The following KIAA1217 variants were observed in gnomAD, a reference collection of about 807,000 sequenced individuals.
KIAA1217 encodes sickle tail protein homolog.
A neutral mutation model predicts 163.9 loss-of-function variants in KIAA1217; 88 were observed. The observed-to-expected ratio is 0.54, with a 90% CI of 0.45 to 0.64. The LOEUF (loss-of-function observed/expected upper bound fraction) is 0.64, where lower values mean the gene tolerates loss of function less well. KIAA1217 is among the 30% of genes least tolerant of loss of function. The probability of loss-of-function intolerance (pLI) is 0.00; values close to 1 mark genes in which losing one functional copy is unlikely to be tolerated. For synonymous variants in KIAA1217, 903 were observed against 923.1 expected, an observed-to-expected ratio of 0.98 and a Z score of 0.39; for missense variants, 2,372 against 2,475.0, an observed-to-expected ratio of 0.96 and a Z score of 0.88.
At chr10:24,335,892 G>C (rs565947351) in intron 2 of KIAA1217, among the ~76,000 whole-genome samples, 2 of 152,216 alleles carry the variant, frequency 1.3e-5, no homozygotes, top group African/African-American at 2.4e-5. Flanking sequence ...GATTATAGGC[G>C]TCAGCCACTG....
In KIAA1217 at chr10:24,524,390, A is replaced by G. The variant is rs202133714; in HGVS notation, c.2524A>G (p.Lys842Glu). 669 of 1,614,238 alleles carry G rather than the reference A, an allele frequency of 4.1e-4. 6 individuals carry two copies. In the South Asian group the frequency reaches 7.1e-3, roughly 17 times the overall value. ...AQAAQYMAME[K>E]ATAAEVLKSQ... ...AGCCGCACAGTACATGGCTATGGAA[A>G]AGGCCACAGCCGCAGAAGTCCTGAA... Residue 842 changes from lysine to glutamate, a missense_variant, in exon 13 of 21, where the codon AAG becomes GAG. Physicochemically the swap from Lys to Glu is moderately conservative, Grantham distance 56. This residue lies in a region of KIAA1217 where 1,431 missense variants were observed against 1,470.3 expected (regional missense o/e 0.97). Transcript: ENST00000376454.
chr10:23,817,825 C>G (rs1030570644), intron 1 of KIAA1217, among the ~76,000 whole-genome samples: 2 of 151,018 alleles, frequency 1.3e-5, no homozygotes, highest in African/African-American at 4.9e-5. Flanking sequence ...TGTGGTGGCT[C>G]ATACTTGTAA....
chr10:23,753,214 C>G (rs1019125194), intron 1 of KIAA1217, among the ~76,000 whole-genome samples: 6 of 152,220 alleles, frequency 3.9e-5, no homozygotes, highest in Admixed American at 6.5e-5. Flanking sequence ...CTGGCTAAGA[C>G]CAGTGGCATT....
At chr10:24,277,512 A>G (rs1194251329) in intron 2 of KIAA1217, among the ~76,000 whole-genome samples, 6 of 152,230 alleles carry the variant, frequency 3.9e-5, no homozygotes, top group Admixed American at 3.3e-4. Flanking sequence ...TGTAGTTCCC[A>G]TAATCCCCAC....
At chr10:24,378,129 T>C (rs1484393672) in intron 2 of KIAA1217, among the ~76,000 whole-genome samples, 2 of 152,196 alleles carry the variant, frequency 1.3e-5, no homozygotes, top group African/African-American at 4.8e-5. Flanking sequence ...TAACCACAGC[T>C]TCAAGTTGAA....
At chr10:24,004,442 T>C (rs1223966133) in intron 1 of KIAA1217, among the ~76,000 whole-genome samples, 1 of 152,236 alleles carries the variant, frequency 6.6e-6, no homozygotes, top group Non-Finnish European at 1.5e-5. Flanking sequence ...TTTAGTAGTA[T>C]AACTGGAATT....
intron 1 of KIAA1217, among the ~76,000 whole-genome samples, chr10:23,912,912 T>G (rs2131272764): frequency 6.6e-6 from 1 of 152,308 alleles, no homozygotes; most frequent in African/African-American, 2.4e-5. Context: ...TTCACTTCAC[T>G]GTCCTTTGTA....
rs1001209720 is a variant in KIAA1217 at position 24,018,641 on chromosome 10, C to T, written c.-171+11267C>T. Among the ~76,000 whole-genome samples the T allele has an allele frequency of 4.4e-4, 66 of 151,346 alleles. 1 individual carries two copies. Among genetic ancestry groups the T allele is most frequent in the African/African-American group, 1.5e-3 (61 of 41,318 alleles). ...AGTAAGTATAGCCATTCTAGAAAAC[C>T]GTAGAGATATTCCTCAAAAAACTAA... On this transcript the variant is annotated intron_variant, in intron 2 of 18. Transcript: ENST00000376462.
At chr10:24,503,081 G>A (rs532880400) in intron 9 of KIAA1217, among the ~76,000 whole-genome samples, 4 of 152,284 alleles carry the variant, frequency 2.6e-5, no homozygotes, top group African/African-American at 9.6e-5. Flanking sequence ...GCTTCCAATC[G>A]GTTCTGCTTC....
intron 2 of KIAA1217, among the ~76,000 whole-genome samples, chr10:24,113,202 A>G (rs1019419601): frequency 3.3e-5 from 5 of 152,294 alleles, no homozygotes; most frequent in South Asian, 2.1e-4. Flanking sequence ...CAGGCATTCA[A>G]TGGAGACTGT....
chr10:24,278,958 G>A (rs960445921), intron 2 of KIAA1217, among the ~76,000 whole-genome samples: 1 of 150,962 alleles, frequency 6.6e-6, no homozygotes, highest in African/African-American at 2.4e-5. Flanking sequence ...CCAGGCTCAA[G>A]CGATTCTCAT....
At chr10:24,146,211 A>G (rs1462980928) in intron 2 of KIAA1217, among the ~76,000 whole-genome samples, 1 of 148,710 alleles carries the variant, frequency 6.7e-6, no homozygotes. Context: ...TTACATAAAT[A>G]ATCTCCCTGC....
intron 2 of KIAA1217, among the ~76,000 whole-genome samples, chr10:24,341,120 G>A (rs1234846804): frequency 6.6e-6 from 1 of 152,112 alleles, no homozygotes; most frequent in Non-Finnish European, 1.5e-5. Flanking sequence ...TACTTCTCCT[G>A]TCAAAATAAC....
At chr10:23,925,584 T>C (rs529772876) in intron 1 of KIAA1217, among the ~76,000 whole-genome samples, 81 of 152,344 alleles carry the variant, frequency 5.3e-4, no homozygotes, top group African/African-American at 1.8e-3. Flanking sequence ...CAAAGTTCAC[T>C]TTTATGCTGT....
At chr10:24,006,488 T>C (rs1435948928) in intron 1 of KIAA1217, among the ~76,000 whole-genome samples, 1 of 152,220 alleles carries the variant, frequency 6.6e-6, no homozygotes, top group East Asian at 1.9e-4. Context: ...TAAATCACTA[T>C]AGTTTCCCAC....
At chr10:24,010,216 A>AG (rs1847180085) in intron 2 of KIAA1217, among the ~76,000 whole-genome samples, 1 of 152,170 alleles carries the variant, frequency 6.6e-6, no homozygotes, top group Non-Finnish European at 1.5e-5. Context: ...TGCAAAAAAA[A>AG]AAAGTCAATG....
chr10:24,154,102 C>G (rs968940283), intron 2 of KIAA1217, among the ~76,000 whole-genome samples: 5 of 150,712 alleles, frequency 3.3e-5, no homozygotes, highest in Non-Finnish European at 7.4e-5. Flanking sequence ...GGACTACAGG[C>G]GCCCGCCACT....
chr10:23,950,707 G>A (rs185485104), intron 1 of KIAA1217, among the ~76,000 whole-genome samples: 2 of 152,134 alleles, frequency 1.3e-5, no homozygotes, highest in Non-Finnish European at 2.9e-5. Flanking sequence ...TATGAAAAGG[G>A]ATGGGGTGGG....
chr10:24,067,219 C>T (rs979872306), intron 2 of KIAA1217, among the ~76,000 whole-genome samples: 5 of 152,182 alleles, frequency 3.3e-5, no homozygotes, highest in African/African-American at 1.2e-4. Flanking sequence ...GAGAGGCACT[C>T]TGATTTTTAG....
Sources: gnomAD v4.1 joint callset for allele counts (sites outside exome capture counted in the v4.1 genomes callset) on GRCh38, gnomAD v4.1.1 for gene constraint, gnomAD v4.1.1 regional missense constraint, MANE v1.5 for transcripts, NCBI Gene and HGNC (gene_info 2026-07-23, HGNC 2026-07-21) for gene names.